Variants in LRRC7 observed in about 807,000 individuals in gnomAD.
LRRC7 encodes leucine-rich repeat-containing protein 7.
LRRC7 carries 23 observed loss-of-function variants against 175.7 expected under a neutral mutation model. That is an observed-to-expected ratio of 0.13 (90% CI 0.09 to 0.19). The LOEUF is 0.19. Among genes scored for constraint, LRRC7 ranks in the 10% least tolerant of loss-of-function variants. LRRC7 has a pLI of 1.00. For synonymous variants in LRRC7, 685 were observed against 680.9 expected (o/e 1.01, Z -0.09); for missense variants, 1,354 against 1,904.7 (o/e 0.71, Z 5.38).
chr1:69,961,193 C>T (rs1054730914), intron 8 of LRRC7, among the ~76,000 whole-genome samples: 5 of 152,142 alleles, frequency 3.3e-5, no homozygotes, highest in Non-Finnish European at 7.4e-5. Context: ...TAGCAATAGT[C>T]AAGCTGAGAG....
At chr1:70,042,239 A>T (rs936572420) in intron 21 of LRRC7, among the ~76,000 whole-genome samples, 1 of 152,214 alleles carries the variant, frequency 6.6e-6, no homozygotes, top group Non-Finnish European at 1.5e-5. Flanking sequence ...ACTCAACAAG[A>T]TGAATTCAGG....
chr1:69,812,016 G>A (rs887451140), intron 4 of LRRC7, among the ~76,000 whole-genome samples: 1 of 152,080 alleles, frequency 6.6e-6, no homozygotes, highest in Non-Finnish European at 1.5e-5. Context: ...TGTTACCTGA[G>A]CATAACACTC....
At chr1:69,804,684 T>C (rs1190720497) in intron 4 of LRRC7, among the ~76,000 whole-genome samples, 1 of 151,676 alleles carries the variant, frequency 6.6e-6, no homozygotes, top group Non-Finnish European at 1.5e-5. Context: ...AATTTATAAG[T>C]AAATGCATCA....
At chr1:69,997,742 G>T (rs1284200146) in intron 11 of LRRC7, among the ~76,000 whole-genome samples, 1 of 151,278 alleles carries the variant, frequency 6.6e-6, no homozygotes, top group Non-Finnish European at 1.5e-5. Context: ...TGCATCCCAG[G>T]GATGAAGCCC....
chr1:69,679,648 C>T (rs1187318291), intron 2 of LRRC7, among the ~76,000 whole-genome samples: 5 of 151,990 alleles, frequency 3.3e-5, no homozygotes, highest in South Asian at 2.1e-4. Flanking sequence ...AAAAGTATTG[C>T]GTATTTCTGT....
At chr1:69,672,379 T>C (rs1209103596) in intron 1 of LRRC7, among the ~76,000 whole-genome samples, 3 of 152,228 alleles carry the variant, frequency 2.0e-5, no homozygotes, top group Non-Finnish European at 4.4e-5. Flanking sequence ...ATTTCCATCA[T>C]TGCAGAAAGT....
intron 7 of LRRC7, among the ~76,000 whole-genome samples, chr1:69,844,645 A>G (rs1046467035): frequency 2.0e-5 from 3 of 152,100 alleles, no homozygotes; most frequent in African/African-American, 7.2e-5. Context: ...TGCAATGAAC[A>G]CGGGAGTGCA....
At chr1:69,710,334 AGCAGAGAAAG>A (rs1475234144) in intron 2 of LRRC7, among the ~76,000 whole-genome samples, 6 of 151,514 alleles carry the variant, frequency 4.0e-5, no homozygotes, top group Non-Finnish European at 8.8e-5. Context: ...GGTTACCCAG[AGCAGAGAAAG>A]GCAGAAACAG....
chr1:69,746,695 C>T (rs1486873208), intron 2 of LRRC7, among the ~76,000 whole-genome samples: 1 of 151,948 alleles, frequency 6.6e-6, no homozygotes, highest in Non-Finnish European at 1.5e-5. Flanking sequence ...TAATAAACAG[C>T]TCATGCTACC....
chr1:69,815,492 T>G (rs182860159), intron 4 of LRRC7, among the ~76,000 whole-genome samples: 2 of 152,262 alleles, frequency 1.3e-5, no homozygotes, highest in African/African-American at 4.8e-5. Flanking sequence ...AAAAATTCTG[T>G]GTTCTTAGGA....
chr1:69,719,747 T>C (rs1666147073), intron 2 of LRRC7, among the ~76,000 whole-genome samples: 1 of 151,574 alleles, frequency 6.6e-6, no homozygotes, highest in Admixed American at 6.6e-5. Flanking sequence ...TGTAAAAACC[T>C]CAAACAATAC....
chr1:69,885,153 C>T lies in LRRC7; in HGVS notation c.648-46354C>T, dbSNP rs1687048676. On this transcript the variant is annotated intron_variant, in intron 7 of 26. Coordinates refer to ENST00000651989, the MANE Select transcript of LRRC7 (RefSeq NM_001370785.2). ...CATAAAATGAGTTAGGGAGGATTCC[C>T]TCTTTTTCTATTGATTGGAATAGTT... Among the ~76,000 whole-genome samples, 5 of 102,084 alleles carry T rather than the reference C, an allele frequency of 4.9e-5. No homozygotes were observed. The South Asian group carries it at 1.6e-3, about 32-fold the overall frequency. 67.0% of individuals were successfully genotyped at this position (102,084 alleles called of 152,430 possible). A position where few individuals can be genotyped will look rare whatever the true frequency, so the allele number is the denominator to read the frequency against.
At chr1:69,944,179 A>G (rs771268969) in intron 8 of LRRC7, among the ~76,000 whole-genome samples, 4 of 151,900 alleles carry the variant, frequency 2.6e-5, no homozygotes, top group Admixed American at 6.6e-5. Context: ...TTCTGCTTCT[A>G]TGGGTTTGAC....
At chr1:69,642,336 CATTAT>C (rs1557531364) in intron 1 of LRRC7, among the ~76,000 whole-genome samples, 2 of 151,352 alleles carry the variant, frequency 1.3e-5, no homozygotes, top group African/African-American at 2.4e-5. Context: ...GCAAATAAAC[CATTAT>C]ATTCAAATAT....
chr1:69,883,968 A>G (rs1402903424), intron 7 of LRRC7, among the ~76,000 whole-genome samples: 1 of 66,798 alleles, frequency 1.5e-5, no homozygotes, highest in Admixed American at 1.7e-4. Context: ...TGTTCCATTG[A>G]TCTATATCTC....
At chr1:69,588,643 T>C (rs1007405662) in intron 1 of LRRC7, among the ~76,000 whole-genome samples, 10 of 152,190 alleles carry the variant, frequency 6.6e-5, no homozygotes, top group Non-Finnish European at 1.3e-4. Flanking sequence ...CTTGTTTCTT[T>C]CATCTGTATG....
rs1664788515 is a variant in LRRC7, at chr1:70,101,276, C to T, written c.4546-6476C>T. On this transcript the variant is annotated intron_variant, in intron 25 of 26. Coordinates refer to ENST00000651989, the MANE Select transcript of LRRC7 (RefSeq NM_001370785.2). Reference sequence around the variant, plus strand: ...AAAATGCTATATGCTATTTTTAACTCATGTGTTCTGAATTGTAATTGTATA... The same window carrying T: ...AAAATGCTATATGCTATTTTTAACTTATGTGTTCTGAATTGTAATTGTATA... 2.0e-5 allele frequency among the ~76,000 whole-genome samples: 3 copies of T among 152,102 alleles called. No individual in the cohort carries two copies. In the South Asian group the frequency reaches 6.2e-4, roughly 32 times the overall value.
At chr1:69,929,602 A>G (rs1331677301) in intron 7 of LRRC7, among the ~76,000 whole-genome samples, 1 of 152,180 alleles carries the variant, frequency 6.6e-6, no homozygotes, top group Admixed American at 6.5e-5. Flanking sequence ...ATTTTTTATA[A>G]TAAGAAAGAA....
chr1:69,669,688 A>G (rs1242931186), intron 1 of LRRC7, among the ~76,000 whole-genome samples: 1 of 152,196 alleles, frequency 6.6e-6, no homozygotes, highest in African/African-American at 2.4e-5. Flanking sequence ...CTTTAAGGCC[A>G]GTAAGTTTTA....
Sources: gnomAD v4.1 joint callset for allele counts (sites outside exome capture counted in the v4.1 genomes callset) on GRCh38, gnomAD v4.1.1 for gene constraint, MANE v1.5 for transcripts, NCBI Gene and HGNC (gene_info 2026-07-23, HGNC 2026-07-21) for gene names.